Variants in PPIP5K2 observed in about 807,000 individuals in gnomAD.
The protein encoded by PPIP5K2 is diphosphoinositol pentakisphosphate kinase 2.
PPIP5K2 carries 105 observed loss-of-function variants against 154.6 expected under a neutral mutation model. That is an observed-to-expected ratio of 0.68 (90% CI 0.58 to 0.80). The LOEUF (loss-of-function observed/expected upper bound fraction) is 0.80. PPIP5K2 is among the 30% of genes least tolerant of loss of function. The pLI, the probability that PPIP5K2 is intolerant of heterozygous loss-of-function variation, is 0.00. For synonymous variants in PPIP5K2, 480 were observed against 490.3 expected (o/e 0.98, Z 0.28); for missense variants, 992 against 1,504.6 (o/e 0.66, Z 5.64).
intron 6 of PPIP5K2, among the ~76,000 whole-genome samples, chr5:103,147,002 C>T (rs1185503555): frequency 6.6e-6 from 1 of 151,776 alleles, no homozygotes; most frequent in Admixed American, 6.5e-5. Flanking sequence ...AGAAAAATAA[C>T]AGCTCATAGA....
At chr5:103,185,646 A>G (rs1800255030) in intron 26 of PPIP5K2, among the ~76,000 whole-genome samples, 1 of 152,088 alleles carries the variant, frequency 6.6e-6, no homozygotes, top group Admixed American at 6.5e-5. Flanking sequence ...AACTTTTGCT[A>G]CAAATTGAGC....
chr5:103,191,446 T>C (rs1237356774), intron 29 of PPIP5K2, among the ~76,000 whole-genome samples: 2 of 152,038 alleles, frequency 1.3e-5, no homozygotes, highest in African/African-American at 4.8e-5. Context: ...ATTTTTCAAA[T>C]TGTGTATCTC....
chr5:103,146,520 T>C lies in PPIP5K2; in HGVS notation c.488-7T>C. The stretch of plus-strand genomic sequence containing the variant: ...TGATATTTCTTGCAATCGTGTTTGT[T>C]TTATAGAATGTAATCTGATTGAAGG... On this transcript the variant is annotated splice_region_variant and splice_polypyrimidine_tract_variant and intron_variant, in intron 5 of 30. Coordinates refer to ENST00000358359, the MANE Select transcript of PPIP5K2 (RefSeq NM_001276277.3). 1 of 1,607,846 alleles carries C rather than the reference T, an allele frequency of 6.2e-7. No homozygotes were observed. Among genetic ancestry groups the C allele is most frequent in the South Asian group, 1.1e-5 (1 of 90,408 alleles).
At chr5:103,196,218 C>T (rs152123) in intron 30 of PPIP5K2, among the ~76,000 whole-genome samples, 36,457 of 152,026 alleles carry the variant, frequency 0.24, 5,079 homozygotes, top group East Asian at 0.45. Flanking sequence ...CCAACCTCTT[C>T]CACTGATAAT....
chr5:103,209,478 G>T lies in PPIP5K2; in HGVS notation c.*7844G>T, dbSNP rs1256881987. The T allele has an allele frequency of 6.6e-6, 1 of 152,080 alleles. No individual in the cohort carries two copies. The highest frequency in any genetic ancestry group is 2.4e-5 in the African/African-American group (1 of 41,392). 9.4% of individuals were successfully genotyped at this position (152,080 alleles called of 1,614,324 possible). On this transcript the variant is annotated 3_prime_UTR_variant, in exon 31 of 31. Transcript: ENST00000358359. Reference sequence around the variant, plus strand: ...TCTTACATTTTGTGTGGTATGAGTGGCACCATTGTGTGACCCAGGTAGGAT... The same window carrying T: ...TCTTACATTTTGTGTGGTATGAGTGTCACCATTGTGTGACCCAGGTAGGAT...
At chr5:103,158,743 G>T (rs116505430) in intron 16 of PPIP5K2, among the ~76,000 whole-genome samples, 170 bp downstream of exon 16, 208 of 151,924 alleles carry the variant, frequency 1.4e-3, no homozygotes, top group African/African-American at 4.8e-3. Context: ...GCAACATGAC[G>T]AAACCTGTCT....
rs141121995 is a variant in PPIP5K2 at position 103,132,224 on chromosome 5, G to A, written c.115-1229G>A. 8.6e-4 allele frequency among the ~76,000 whole-genome samples: 131 copies of A among 152,198 alleles called. 1 individual carries two copies. Among genetic ancestry groups the A allele is most frequent in the African/African-American group, 3.2e-3 (131 of 41,532 alleles). On this transcript the variant is annotated intron_variant, in intron 2 of 30. Transcript: ENST00000358359. ...TTCATGAGTTTGAGGAGACAATACA[G>A]AAATACTGTTCTAGGCATAAAAAAA...
intron 18 of PPIP5K2, 48 bp downstream of exon 18, chr5:103,167,368 A>T (rs1797290587): frequency 7.0e-7 from 1 of 1,419,892 alleles, no homozygotes; most frequent in Admixed American, 2.4e-5. Context: ...GTTACTATTC[A>T]ATTAAGCATT....
At chr5:103,163,239 G>A (rs978996410) in intron 17 of PPIP5K2, among the ~76,000 whole-genome samples, 2 of 151,598 alleles carry the variant, frequency 1.3e-5, no homozygotes, top group African/African-American at 4.8e-5. Context: ...TGAATGTAGT[G>A]TAGCTCATTT....
chr5:103,193,234 T>A (rs782685347), intron 29 of PPIP5K2, among the ~76,000 whole-genome samples: 5 of 152,128 alleles, frequency 3.3e-5, no homozygotes, highest in Non-Finnish European at 7.4e-5. Flanking sequence ...GGGTGCCAGT[T>A]ATGATGAAAG....
chr5:103,153,852 G>C lies in PPIP5K2; in HGVS notation c.1135G>C (p.Glu379Gln). The C allele has an allele frequency of 6.3e-7, 1 of 1,594,774 alleles. No individual in the cohort carries two copies. The highest frequency in any genetic ancestry group is 8.5e-7 in the Non-Finnish European group (1 of 1,171,362). ...IVPTTSGTMMELRCVIAVIRH... is the reference protein window; with the variant it reads ...IVPTTSGTMMQLRCVIAVIRH... ...ATATATATTTTTTCATTTTAGGATG[G>C]AACTTAGATGTGTCATAGCTGTTAT... is the stretch of plus-strand genomic sequence containing the variant. The change falls in exon 11 of 31, where the codon GAA becomes CAA. Residue 379 changes from glutamate (E) to glutamine (Q), a missense_variant. Glu to Gln is a conservative substitution (Grantham distance 29, BLOSUM62 2). Coordinates refer to ENST00000358359, the MANE Select transcript of PPIP5K2 (RefSeq NM_001276277.3).
At chr5:103,194,865 T>C (rs782722985) in intron 29 of PPIP5K2, 35 bp from the exon 30 acceptor site, 2 of 1,590,142 alleles carry the variant, frequency 1.3e-6, no homozygotes. Context: ...TGGCAGGAAA[T>C]TATTAAATTA....
intron 16 of PPIP5K2, 101 bp downstream of exon 16, chr5:103,158,674 C>A: frequency 1.0e-6 from 1 of 995,832 alleles, no homozygotes; most frequent in Non-Finnish European, 1.4e-6. Context: ...GTAATCCTAG[C>A]ACTTTGGGAG....
intron 27 of PPIP5K2, 100 bp from the exon 28 acceptor site, chr5:103,187,214 C>T (rs1800524511): frequency 2.4e-6 from 2 of 845,206 alleles, no homozygotes; most frequent in African/African-American, 1.7e-5. Flanking sequence ...CTGCATGTCA[C>T]CTTTCTAACC....
intron 6 of PPIP5K2, 123 bp from the exon 7 acceptor site, chr5:103,147,808 T>TA (rs1583291426): frequency 6.4e-6 from 4 of 628,470 alleles, no homozygotes; most frequent in Non-Finnish European, 8.3e-6. Flanking sequence ...ATTTGTGGAT[T>TA]AAAAAATGTA....
intron 5 of PPIP5K2, among the ~76,000 whole-genome samples, chr5:103,142,094 G>C (rs540851350): frequency 2.1e-4 from 32 of 152,344 alleles, no homozygotes; most frequent in Admixed American, 5.2e-4. Flanking sequence ...GGTGGTGCTC[G>C]TTGGGGAGGC....
At chr5:103,181,496 A>G (rs905351089) in intron 24 of PPIP5K2, among the ~76,000 whole-genome samples, 5 of 151,974 alleles carry the variant, frequency 3.3e-5, no homozygotes, top group Admixed American at 2.0e-4. Flanking sequence ...TGAACCTGGG[A>G]GGCGGAGGTT....
chr5:103,139,086 C>T lies in PPIP5K2; in HGVS notation c.487+617C>T, dbSNP rs578257177. 1.1e-4 allele frequency among the ~76,000 whole-genome samples: 17 copies of T among 152,264 alleles called. No homozygotes were observed. In the East Asian group the frequency reaches 2.9e-3, roughly 26 times the overall value. On this transcript the variant is annotated intron_variant, in intron 5 of 30. Coordinates refer to ENST00000358359, the MANE Select transcript of PPIP5K2 (RefSeq NM_001276277.3). Reference sequence around the variant, plus strand: ...CGTATGACAAGGGGCAACAGTACTTCTAAGTATTTATTAATATTTTAAAGC... The same window carrying T: ...CGTATGACAAGGGGCAACAGTACTTTTAAGTATTTATTAATATTTTAAAGC...
intron 18 of PPIP5K2, 118 bp downstream of exon 18, chr5:103,167,438 A>G: frequency 1.2e-6 from 1 of 844,588 alleles, no homozygotes; most frequent in Admixed American, 3.1e-5. Context: ...AGCTATGTAT[A>G]GTATGAGTTA....
Sources: gnomAD v4.1 joint callset for allele counts (sites outside exome capture counted in the v4.1 genomes callset) on GRCh38, gnomAD v4.1.1 for gene constraint, MANE v1.5 for transcripts, NCBI Gene and HGNC (gene_info 2026-07-23, HGNC 2026-07-21) for gene names.